ZNF677: variants seen among roughly 807,000 people sequenced by gnomAD.
The protein encoded by ZNF677 is hypothetical protein MGC48625.
A neutral mutation model predicts 8.1 loss-of-function variants in ZNF677; 5 were observed. That is an observed-to-expected ratio of 0.62 (90% confidence interval 0.32 to 1.29). The LOEUF (loss-of-function observed/expected upper bound fraction) is 1.29, where lower values mean the gene tolerates loss of function less well. ZNF677 is among the 50% of genes most tolerant of loss of function. ZNF677 has a pLI of 0.05. For missense variants in ZNF677, 685 were observed against 685.9 expected, an observed-to-expected ratio of 1.00 and a Z score of 0.01; for synonymous variants, 221 against 225.6, an observed-to-expected ratio of 0.98 and a Z score of 0.18.
chr19:53,238,497 A>T lies in ZNF677; in HGVS notation c.230T>A (p.Leu77Ter). Residue 77 changes from leucine to a stop codon, truncating the protein, a stop_gained, in exon 5 of 5, where the codon TTA becomes TAA. Transcript: ENST00000598513. LOFTEE classifies it low-confidence loss of function (END_TRUNC). ...TCTTTCTAATATCACCAGATGGTAT[A>T]ATTCCTCTTTATTATTTTCCTTTGG... ...LSPKENNKEELYHLVILERKE... is the reference protein window; with the variant it reads ...LSPKENNKEE The T allele has an allele frequency of 3.1e-6, 5 of 1,603,646 alleles. No individual in the cohort carries two copies. The highest frequency in any genetic ancestry group is 3.4e-6 in the Non-Finnish European group (4 of 1,177,188).
At chr19:53,247,098 G>A (rs2965227) in intron 3 of ZNF677, among the ~76,000 whole-genome samples, 112,066 of 152,084 alleles carry the variant, frequency 0.74, 41,794 homozygotes, top group African/African-American at 0.85. Context: ...TTGATTTCCA[G>A]TTTCACTCGA....
chr19:53,252,996 A>C (rs1403792717), intron 2 of ZNF677, 90 bp downstream of exon 2: 1 of 152,262 alleles, frequency 6.6e-6, no homozygotes, highest in Non-Finnish European at 1.5e-5. Context: ...TGTATGTTAC[A>C]TGTATTATAT....
intron 3 of ZNF677, among the ~76,000 whole-genome samples, chr19:53,247,367 C>T (rs767319116): frequency 1.3e-5 from 2 of 149,330 alleles, no homozygotes; most frequent in Admixed American, 6.7e-5. Flanking sequence ...TACACTAACA[C>T]TAATGACAGC....
intron 3 of ZNF677, chr19:53,244,156 G>A (rs1271943281): frequency 9.7e-6 from 4 of 413,776 alleles, no homozygotes; most frequent in African/African-American, 8.4e-5. Context: ...GAGCTCAGGA[G>A]TTTGAAACAG....
chr19:53,241,768 A>C (rs1568691100), intron 4 of ZNF677: 1 of 398,396 alleles, frequency 2.5e-6, no homozygotes, highest in East Asian at 3.6e-5. Flanking sequence ...ATGTAGCAGA[A>C]TGATACTGTG....
rs2091091988 is a variant in ZNF677, at chr19:53,243,734, G to C, written c.169+10C>G. 1 of 1,614,172 alleles carries C rather than the reference G, an allele frequency of 6.2e-7. No individual in the cohort carries two copies. The highest frequency in any genetic ancestry group is 8.5e-7 in the Non-Finnish European group (1 of 1,180,008). The stretch of plus-strand genomic sequence containing the variant: ...CAAGGAAAAATGTAAAGATGTACAA[G>C]GGTGGTTACCATCTTCTGGAGGGAT... On this transcript the variant is annotated intron_variant, in intron 4 of 4. Transcript: ENST00000598513.
Position 53,236,747 on chromosome 19 carries a change from T to C in ZNF677, c.*225A>G. 1 of 388,248 alleles carries C rather than the reference T, an allele frequency of 2.6e-6. No homozygotes were observed. Among genetic ancestry groups the C allele is most frequent in the Non-Finnish European group, 4.6e-6 (1 of 219,484 alleles). The allele number at this position is 388,248 out of a possible 1,614,324, so 24.1% of individuals were successfully genotyped here. On this transcript the variant is annotated 3_prime_UTR_variant, in exon 5 of 5. Coordinates refer to ENST00000598513, the MANE Select transcript of ZNF677 (RefSeq NM_182609.4). ...ATAACCATAATAGGGTAAATATTTTTATAAAGCTGTTCACATTCATTATAT... is the reference window on the plus strand; with the variant it reads ...ATAACCATAATAGGGTAAATATTTTCATAAAGCTGTTCACATTCATTATAT...
At chr19:53,241,930 TTTTC>T (rs1399139561) in intron 4 of ZNF677, 77 of 366,610 alleles carry the variant, frequency 2.1e-4, no homozygotes, top group African/African-American at 1.9e-3. Flanking sequence ...GTACTTTTCT[TTTTC>T]TTTTTTTTTT....
chr19:53,242,381 A>G lies in ZNF677; in HGVS notation c.169+1363T>C, dbSNP rs1346120077. On this transcript the variant is annotated intron_variant, in intron 4 of 4. Coordinates refer to ENST00000598513, the MANE Select transcript of ZNF677 (RefSeq NM_182609.4). The stretch of plus-strand genomic sequence containing the variant: ...TACGGGAGTAAAATAAAAGGGTCGG[A>G]TTTTGTAGGATTCTAAGGAAGAGGC... The G allele has an allele frequency of 7.5e-6, 3 of 398,532 alleles. No homozygotes were observed. In the East Asian group the frequency reaches 1.1e-4, roughly 14 times the overall value. The allele number at this position is 398,532 out of a possible 1,614,324, so 24.7% of individuals were successfully genotyped here.
In ZNF677 at chr19:53,241,679, C is replaced by T. The variant is rs575655108; in HGVS notation, c.169+2065G>A. ...AAACCAGAAGGTCAGAAGCACTTAT[C>T]CCTCCGGCTGTCCTGATTCTCTCTC... is the stretch of plus-strand genomic sequence containing the variant. On this transcript the variant is annotated intron_variant, in intron 4 of 4. Transcript: ENST00000598513. The T allele has an allele frequency of 1.2e-4, 47 of 389,406 alleles. 1 individual carries two copies. In the South Asian group the frequency reaches 1.6e-3, roughly 13 times the overall value. 24.1% of individuals were successfully genotyped at this position (389,406 alleles called of 1,614,324 possible). A position where few individuals can be genotyped will look rare whatever the true frequency, so the allele number is the denominator to read the frequency against.
rs898891596 is a variant in ZNF677 at position 53,235,773 on chromosome 19, G to T, written c.*1199C>A. ...ACTGTAACCAATCTCTCCTATAATCGACAAAGGTCCCCAGTCACATCAACA... is the reference window on the plus strand; with the variant it reads ...ACTGTAACCAATCTCTCCTATAATCTACAAAGGTCCCCAGTCACATCAACA... On this transcript the variant is annotated 3_prime_UTR_variant, in exon 5 of 5. Coordinates refer to ENST00000598513, the MANE Select transcript of ZNF677 (RefSeq NM_182609.4). 2 of 151,924 alleles carry T rather than the reference G, an allele frequency of 1.3e-5. No individual in the cohort carries two copies. The highest frequency in any genetic ancestry group is 4.8e-5 in the African/African-American group (2 of 41,342). 9.4% of individuals were successfully genotyped at this position (151,924 alleles called of 1,614,324 possible). A position where few individuals can be genotyped will look rare whatever the true frequency, so the allele number is the denominator to read the frequency against.
chr19:53,249,339 A>C (rs906741089), intron 3 of ZNF677: 1 of 152,206 alleles, frequency 6.6e-6, no homozygotes, highest in Non-Finnish European at 1.5e-5. Flanking sequence ...AGGAATCCTC[A>C]CACAGCTGTA....
At chr19:53,246,049 T>G (rs1447936960) in intron 3 of ZNF677, among the ~76,000 whole-genome samples, 1 of 151,796 alleles carries the variant, frequency 6.6e-6, no homozygotes, top group Non-Finnish European at 1.5e-5. Flanking sequence ...CTGGGTGCAG[T>G]GGCTCACGCC....
chr19:53,238,258 GGT>G lies in ZNF677; in HGVS notation c.467_468del (p.His156ProfsTer6). ...KQSVSIRDSA[H>X]QYFIHDKPFI... is the part of the protein sequence containing the mutation. ...AATGGCTTGTCATGGATGAAATACT[GGT>G]GTGCACTATCTCTTATAGAAACACT... On this transcript the variant is annotated frameshift_variant, in exon 5 of 5. Transcript: ENST00000598513. LOFTEE classifies it low-confidence loss of function (END_TRUNC). The G allele has an allele frequency of 6.2e-7, 1 of 1,613,888 alleles. No individual in the cohort carries two copies. The highest frequency in any genetic ancestry group is 2.2e-5 in the East Asian group (1 of 44,856).
intron 3 of ZNF677, among the ~76,000 whole-genome samples, chr19:53,249,976 G>A (rs1360626501): frequency 5.9e-5 from 9 of 152,082 alleles, no homozygotes; most frequent in Non-Finnish European, 8.8e-5. Flanking sequence ...GGGTTCAAGC[G>A]ATTCTCCTGC....
intron 4 of ZNF677, chr19:53,242,540 T>G: frequency 2.5e-6 from 1 of 396,688 alleles, no homozygotes; most frequent in Non-Finnish European, 4.4e-6. Flanking sequence ...CTCAAAAGCC[T>G]GCCCATTCCC....
chr19:53,243,539 C>T (rs940510679), intron 4 of ZNF677: 1 of 623,808 alleles, frequency 1.6e-6, no homozygotes, highest in Non-Finnish European at 2.7e-6. Flanking sequence ...TATTCTGGAA[C>T]CACCACTCGT....
rs1338763649 is a variant in ZNF677, at chr19:53,237,344, AC to A, written c.1382del (p.Cys461LeufsTer152). 1.2e-6 allele frequency: 2 copies of A among 1,613,722 alleles called. No homozygotes were observed. Among genetic ancestry groups the A allele is most frequent in the Admixed American group, 3.3e-5 (2 of 59,964 alleles). On this transcript the variant is annotated frameshift_variant, in exon 5 of 5. Coordinates refer to ENST00000598513, the MANE Select transcript of ZNF677 (RefSeq NM_182609.4). LOFTEE classifies it low-confidence loss of function (END_TRUNC). ...RIHTGEKPYK[C>X]NKCDKAFIKR... ...TGATAAAAGCTTTATCACATTTATT[AC>A]ATTTGTAAGGTTTTTCTCCAGTGTG...
intron 3 of ZNF677, 189 bp from the exon 4 acceptor site, chr19:53,244,086 G>A (rs1242890127): frequency 1.7e-6 from 1 of 581,014 alleles, no homozygotes; most frequent in Non-Finnish European, 2.9e-6. Flanking sequence ...TTGAGGCTGG[G>A]TGCAGTGGCT....
Sources: gnomAD v4.1 joint callset for allele counts (sites outside exome capture counted in the v4.1 genomes callset) on GRCh38, gnomAD v4.1.1 for gene constraint, MANE v1.5 for transcripts, NCBI Gene and HGNC (gene_info 2026-07-23, HGNC 2026-07-21) for gene names.